Variants in DYSF observed in about 807,000 individuals in gnomAD.
DYSF encodes the protein dystrophy-associated fer-1-like 1.
In DYSF, 212 loss-of-function variants were observed where a neutral mutation model predicts 274.9. The observed-to-expected ratio is 0.77, with a 90% CI of 0.69 to 0.86. The LOEUF is 0.86. Ranked by LOEUF, DYSF falls within the 40% of genes least tolerant of loss-of-function variation. DYSF has a pLI of 0.00. For missense variants in DYSF, 2,666 were observed against 2,783.2 expected (o/e 0.96, Z 0.95); for synonymous variants, 1,091 against 1,078.7 (o/e 1.01, Z -0.22).
intron 22 of DYSF, 132 bp from the exon 23 acceptor site, chr2:71,561,620 C>T (rs994711042): frequency 2.6e-5 from 25 of 970,436 alleles, no homozygotes; most frequent in African/African-American, 3.2e-5. Context: ...GTGTGTGGAG[C>T]GGGCTGGAGA....
intron 3 of DYSF, among the ~76,000 whole-genome samples, chr2:71,500,905 CCA>C (rs1022575488): frequency 1.3e-5 from 2 of 152,066 alleles, no homozygotes; most frequent in African/African-American, 4.8e-5. Context: ...CTCCCCTCTG[CCA>C]CCCCAGTTTT....
intron 40 of DYSF, among the ~76,000 whole-genome samples, chr2:71,617,894 GGTGTGTTTGTGGTAGA>G (rs1435298556): frequency 5.9e-5 from 6 of 100,944 alleles, no homozygotes; most frequent in Non-Finnish European, 1.1e-4. Flanking sequence ...GTGTGGTAGA[GGTGTGTTTGTGGTAGA>G]GGTGTGTGTG....
At chr2:71,609,656 A>G (rs2093711370) in intron 36 of DYSF, among the ~76,000 whole-genome samples, 1 of 152,180 alleles carries the variant, frequency 6.6e-6, no homozygotes, top group Admixed American at 6.5e-5. Context: ...AATGGCGAGG[A>G]GGTGGCAGAG....
chr2:71,563,890 C>T (rs2091932141), intron 23 of DYSF, among the ~76,000 whole-genome samples, 168 bp from the exon 24 acceptor site: 1 of 152,328 alleles, frequency 6.6e-6, no homozygotes, highest in Admixed American at 6.5e-5. Flanking sequence ...CAGACACTGG[C>T]CAGCCCTGGG....
At chr2:71,614,502 T>C (rs1390300980) in intron 40 of DYSF, among the ~76,000 whole-genome samples, 1 of 152,230 alleles carries the variant, frequency 6.6e-6, no homozygotes, top group African/African-American at 2.4e-5. Context: ...TGTCCAACTC[T>C]TGATCATTGT....
At chr2:71,465,740 G>A (rs541836369), upstream of DYSF, among the ~76,000 whole-genome samples, 31 of 152,322 alleles carry the variant, frequency 2.0e-4, no homozygotes, top group South Asian at 6.0e-3. Context: ...TGGGAAGACG[G>A]ACAGTGCCCT....
intron 40 of DYSF, among the ~76,000 whole-genome samples, chr2:71,618,406 AGAGGTGG>A (rs1312185893): frequency 1.4e-4 from 6 of 44,258 alleles, no homozygotes; most frequent in East Asian, 7.2e-4. Context: ...TGTGTGTGGT[AGAGGTGG>A]TGTGTGTGTG....
rs36122356 is a variant in DYSF at position 71,520,793 on chromosome 2, C to T, written c.1038C>T (p.His346=). The T allele has an allele frequency of 0.057, 91,752 of 1,613,280 alleles. 2,957 individuals carry two copies. The highest frequency in any genetic ancestry group is 0.098 in the African/African-American group (7,306 of 74,930). The change falls in exon 12 of 56, where the codon CAC becomes CAT. Residue 346 remains histidine (H), a synonymous_variant. Coordinates refer to ENST00000410020, the MANE Select transcript of DYSF (RefSeq NM_001130987.2). ...AGAGGATGTTGTCTCTCTTAGGGCA[C>T]GCCTATCTCAGGAAGTGGCTGCTGC... is the stretch of plus-strand genomic sequence containing the variant. ...DVGTIYREPR[H]AYLRKWLLLS...
chr2:71,545,882 C>G (rs1258665836), intron 17 of DYSF, among the ~76,000 whole-genome samples: 1 of 152,206 alleles, frequency 6.6e-6, no homozygotes. Flanking sequence ...AGATGGCGCT[C>G]AGGTCACGGG....
intron 24 of DYSF, among the ~76,000 whole-genome samples, chr2:71,564,668 G>T (rs2091976862): frequency 6.6e-6 from 1 of 152,204 alleles, no homozygotes; most frequent in African/African-American, 2.4e-5. Context: ...GGGAAGGCTG[G>T]TATCTGGGGC....
chr2:71,564,292 C>T (rs2091956745), intron 24 of DYSF, 79 bp downstream of exon 24: 2 of 1,579,258 alleles, frequency 1.3e-6, no homozygotes, highest in Non-Finnish European at 1.7e-6. Context: ...TGTTTCCCCT[C>T]CTGTTCTTGA....
intron 29 of DYSF, among the ~76,000 whole-genome samples, chr2:71,571,905 A>T (rs2092496083): frequency 6.8e-6 from 1 of 146,296 alleles, no homozygotes; most frequent in Non-Finnish European, 1.5e-5. Context: ...CAGCACACAC[A>T]CAGATCACAC....
At chr2:71,454,168 C>G in intron 1 of DYSF, 1 of 1,369,554 alleles carries the variant, frequency 7.3e-7, no homozygotes, top group Non-Finnish European at 1.0e-6. Context: ...TGGAGAGCAC[C>G]TAGAGCTGAG....
chr2:71,539,197 C>T lies in DYSF; in HGVS notation c.1534C>T (p.Leu512=), dbSNP rs2152766942. The T allele has an allele frequency of 6.2e-7, 1 of 1,614,122 alleles. No individual in the cohort carries two copies. Among genetic ancestry groups the T allele is most frequent in the Non-Finnish European group, 8.5e-7 (1 of 1,180,032 alleles). Residue 512 remains leucine (L), a synonymous_variant, in exon 17 of 56, where the codon CTG becomes TTG. Transcript: ENST00000410020. ...CAATGACATCGTGGCTACCACCTAC[C>T]TGAGTATGTCGAAAATCTCTGCCCC... ...THNDIVATTY[L]SMSKISAPGG...
intron 1 of DYSF, among the ~76,000 whole-genome samples, chr2:71,478,607 C>G (rs2082609810): frequency 6.6e-6 from 1 of 152,092 alleles, no homozygotes; most frequent in African/African-American, 2.4e-5. Flanking sequence ...TTTATAGTGG[C>G]CTGTGATTTC....
At chr2:71,601,423 G>A (rs1284943492) in intron 34 of DYSF, 76 bp from the exon 35 acceptor site, 1 of 1,577,262 alleles carries the variant, frequency 6.3e-7, no homozygotes, top group Non-Finnish European at 8.7e-7. Flanking sequence ...CACTGACATA[G>A]TCCATGAGTG....
At chr2:71,663,045 G>GCATATTTGTGTGTGTATGTCTGTGTC (rs1392716203) in intron 45 of DYSF, among the ~76,000 whole-genome samples, 12 of 143,272 alleles carry the variant, frequency 8.4e-5, no homozygotes, top group East Asian at 2.0e-4. Context: ...GTGTGTGCGC[G>GCATATTTGTGTGTGTATGTCTGTGTC]CACGCGCGTG....
At chr2:71,543,736 C>T (rs1026987383) in intron 17 of DYSF, among the ~76,000 whole-genome samples, 1 of 152,204 alleles carries the variant, frequency 6.6e-6, no homozygotes, top group Non-Finnish European at 1.5e-5. Context: ...GCGGCGCGCG[C>T]CTGCAATCGC....
At chr2:71,539,905 T>TACAATATAATAC (rs2089765020) in intron 17 of DYSF, among the ~76,000 whole-genome samples, 1 of 152,238 alleles carries the variant, frequency 6.6e-6, no homozygotes, top group Admixed American at 6.5e-5. Context: ...TTTAAGTGAA[T>TACAATATAATAC]ACACATATTC....
Sources: allele counts gnomAD v4.1 joint callset (sites outside exome capture counted in the v4.1 genomes callset), GRCh38; gene constraint gnomAD v4.1.1; transcripts MANE v1.5; gene names NCBI Gene and HGNC (gene_info 2026-07-23, HGNC 2026-07-21).